The following PTPRT variants were observed in gnomAD, a reference collection of about 807,000 sequenced individuals.
The protein encoded by PTPRT is protein tyrosine phosphatase receptor type T.
PTPRT carries 56 observed loss-of-function variants against 176.8 expected under a neutral mutation model. The observed-to-expected ratio is 0.32, with a 90% CI of 0.26 to 0.40. The LOEUF is 0.40. Ranked by LOEUF, PTPRT falls within the 10% of genes least tolerant of loss-of-function variation. PTPRT has a pLI of 1.00. For synonymous variants in PTPRT, 783 were observed against 739.0 expected (o/e 1.06, Z -0.96); for missense variants, 1,540 against 1,908.2 (o/e 0.81, Z 3.60).
chr20:42,612,212 C>T (rs6102947), intron 7 of PTPRT, among the ~76,000 whole-genome samples: 18,103 of 152,128 alleles, frequency 0.12, 2,667 homozygotes, highest in African/African-American at 0.35. Context: ...CATTGTTCTT[C>T]GATATATGAC....
At chr20:42,098,686 T>C in intron 26 of PTPRT, 134 bp from the exon 27 acceptor site, 8 of 1,193,448 alleles carry the variant, frequency 6.7e-6, no homozygotes, top group Non-Finnish European at 9.2e-6. Context: ...CCTGTTCTTT[T>C]ATCTCTCCAC....
chr20:42,748,187 C>G (rs1056130696), intron 6 of PTPRT, among the ~76,000 whole-genome samples: 1 of 152,152 alleles, frequency 6.6e-6, no homozygotes, highest in Admixed American at 6.5e-5. Flanking sequence ...ACTATTGACT[C>G]TAATGCCCTG....
intron 15 of PTPRT, among the ~76,000 whole-genome samples, chr20:42,201,736 A>G (rs1351412763): frequency 2.0e-5 from 3 of 150,714 alleles, no homozygotes; most frequent in Non-Finnish European, 4.4e-5. Flanking sequence ...GAGGCAAAAA[A>G]AAAAAAAAAA....
rs1273452161 is a variant in PTPRT, at chr20:43,189,673, G to T, written c.61C>A (p.Pro21Thr). Residue 21 changes from proline to threonine, a missense_variant, in exon 1 of 31, where the codon CCC becomes ACC. By Grantham distance (38) the Pro-to-Thr change is conservative. Around this residue, in one of 11 missense-constraint regions of PTPRT, gnomAD observed 116 missense variants for 118.5 expected, o/e 0.98. Coordinates refer to ENST00000373187, the MANE Select transcript of PTPRT (RefSeq NM_007050.6). This position sits in a 1 kb window ranked among gnomAD's most constrained non-coding sequence, Gnocchi z 5.0. ...LLLRLQLPPL[P>T]GARAQSAAGG... The stretch of plus-strand genomic sequence containing the variant: ...GCGGCGCTCTGAGCCCGGGCGCCGG[G>T]CAGTGGCGGCAGCTGCAGCCTCAGG... 1 of 1,318,816 alleles carries T rather than the reference G, an allele frequency of 7.6e-7. No individual in the cohort carries two copies. 81.7% of individuals were successfully genotyped at this position (1,318,816 alleles called of 1,614,324 possible). A position where few individuals can be genotyped will look rare whatever the true frequency, so the allele number is the denominator to read the frequency against.
chr20:42,407,053 T>G (rs1465038318), intron 9 of PTPRT, among the ~76,000 whole-genome samples: 1 of 152,136 alleles, frequency 6.6e-6, no homozygotes, highest in African/African-American at 2.4e-5. Flanking sequence ...TGATCTACAT[T>G]TGAGCCAATC....
At chr20:42,848,849 G>A (rs56307695) in intron 2 of PTPRT, among the ~76,000 whole-genome samples, 9 of 151,996 alleles carry the variant, frequency 5.9e-5, no homozygotes, top group Admixed American at 1.3e-4. Flanking sequence ...TGTTTTTGTC[G>A]AATTTGCTTT....
chr20:42,703,789 A>G (rs1476062332), intron 6 of PTPRT, among the ~76,000 whole-genome samples: 4 of 152,132 alleles, frequency 2.6e-5, no homozygotes, highest in Non-Finnish European at 5.9e-5. Flanking sequence ...ACCAGATGCC[A>G]CCTCTACTTG....
chr20:42,507,068 A>G (rs2071859634), intron 7 of PTPRT, among the ~76,000 whole-genome samples: 1 of 152,146 alleles, frequency 6.6e-6, no homozygotes, highest in Admixed American at 6.5e-5. Context: ...GAGTAAAAAC[A>G]CGCCCCAAAT....
chr20:43,008,839 A>C (rs1368930112), intron 1 of PTPRT, among the ~76,000 whole-genome samples: 1 of 152,038 alleles, frequency 6.6e-6, no homozygotes, highest in African/African-American at 2.4e-5. Context: ...AAGTCTAATG[A>C]CTCTCTTGAC....
chr20:42,721,774 G>A lies in PTPRT; in HGVS notation c.859+34688C>T, dbSNP rs148439766. Among the ~76,000 whole-genome samples, 1,344 of 152,264 alleles carry A rather than the reference G, an allele frequency of 8.8e-3. 9 individuals are homozygous for A. Among genetic ancestry groups the A allele is most frequent in the Non-Finnish European group, 0.014 (937 of 68,010 alleles). On this transcript the variant is annotated intron_variant, in intron 6 of 30. Transcript: ENST00000373187. ...CCTGCTGCCATGTGCATCCATGCAC[G>A]CACACACAGGTGCATCCCTCACCTC... is the stretch of plus-strand genomic sequence containing the variant.
intron 7 of PTPRT, among the ~76,000 whole-genome samples, chr20:42,570,247 C>G (rs1235021249): frequency 6.6e-6 from 1 of 152,132 alleles, no homozygotes; most frequent in Non-Finnish European, 1.5e-5. Context: ...CAGGATGTCA[C>G]ACCTGGAAAC....
At chr20:43,155,800 T>G (rs1469624753) in intron 1 of PTPRT, among the ~76,000 whole-genome samples, 1 of 152,172 alleles carries the variant, frequency 6.6e-6, no homozygotes, top group Non-Finnish European at 1.5e-5. Context: ...AAACATACAA[T>G]TTTTTCTGTC....
chr20:42,239,726 G>A (rs1487256226), intron 14 of PTPRT, among the ~76,000 whole-genome samples: 1 of 152,056 alleles, frequency 6.6e-6, no homozygotes, highest in Non-Finnish European at 1.5e-5. Context: ...CCAGCCCATA[G>A]CTCATGTTCT....
At chr20:43,088,254 T>C (rs563584191) in intron 1 of PTPRT, among the ~76,000 whole-genome samples, 1 of 152,022 alleles carries the variant, frequency 6.6e-6, no homozygotes, top group South Asian at 2.1e-4. Context: ...AGTTCAAGAG[T>C]AAAACAATCT....
intron 9 of PTPRT, among the ~76,000 whole-genome samples, chr20:42,431,873 T>G (rs1306469317): frequency 6.6e-6 from 1 of 152,202 alleles, no homozygotes; most frequent in East Asian, 1.9e-4. Context: ...CAGGAAGGCT[T>G]CTATAGCTCT....
chr20:42,781,644 T>C (rs945933021), intron 3 of PTPRT, among the ~76,000 whole-genome samples: 4 of 152,192 alleles, frequency 2.6e-5, no homozygotes, highest in Admixed American at 6.5e-5. Context: ...TACCATCCAG[T>C]TGTGTTTCAG....
intron 16 of PTPRT, among the ~76,000 whole-genome samples, chr20:42,178,692 GACC>G (rs879536463): frequency 6.6e-6 from 1 of 152,188 alleles, no homozygotes; most frequent in Admixed American, 6.5e-5. Flanking sequence ...CACTCAAGCT[GACC>G]GCTGTGGTAA....
chr20:43,165,443 G>A (rs1281952870), intron 1 of PTPRT, among the ~76,000 whole-genome samples: 3 of 152,166 alleles, frequency 2.0e-5, no homozygotes, highest in Admixed American at 6.5e-5. Context: ...GATTACAGGC[G>A]TGAGCCACCA....
intron 7 of PTPRT, among the ~76,000 whole-genome samples, chr20:42,523,109 GT>G (rs2072206260): frequency 6.6e-6 from 1 of 152,106 alleles, no homozygotes; most frequent in Admixed American, 6.5e-5. Flanking sequence ...TTGACCCCTT[GT>G]TTTTATCCTC....
Sources: allele counts gnomAD v4.1 joint callset (sites outside exome capture counted in the v4.1 genomes callset), GRCh38; gene constraint gnomAD v4.1.1; regional missense constraint gnomAD v4.1.1; non-coding constraint Gnocchi (gnomAD v3.1); transcripts MANE v1.5; gene names NCBI Gene and HGNC (gene_info 2026-07-23, HGNC 2026-07-21).